The following ROCK2 variants were observed in gnomAD, a reference collection of about 807,000 sequenced individuals.
ROCK2 encodes the protein Rho associated coiled-coil containing protein kinase 2.
In ROCK2, 61 loss-of-function variants were observed where a neutral mutation model predicts 195.1. The observed-to-expected ratio is 0.31, with a 90% CI of 0.25 to 0.39. The LOEUF (loss-of-function observed/expected upper bound fraction) is 0.39, where lower values mean the gene tolerates loss of function less well. Ranked by LOEUF, ROCK2 falls within the 10% of genes least tolerant of loss-of-function variation. ROCK2 has a pLI of 1.00. For synonymous variants in ROCK2, 504 were observed against 545.5 expected, an observed-to-expected ratio of 0.92 and a Z score of 1.06; for missense variants, 1,109 against 1,637.4, an observed-to-expected ratio of 0.68 and a Z score of 5.57.
At chr2:11,308,484 C>T in intron 1 of ROCK2, 1 of 1,602,164 alleles carries the variant, frequency 6.2e-7, no homozygotes, top group African/African-American at 1.3e-5. Context: ...GTTCCCGGTA[C>T]TTTCTTACCA....
chr2:11,268,799 T>C (rs1000411988), intron 3 of ROCK2, among the ~76,000 whole-genome samples: 1 of 152,204 alleles, frequency 6.6e-6, no homozygotes, highest in Non-Finnish European at 1.5e-5. Flanking sequence ...TTTTGTTGAC[T>C]TTCTTGGATA....
intron 1 of ROCK2, among the ~76,000 whole-genome samples, chr2:11,322,040 G>A (rs954059376): frequency 6.6e-6 from 1 of 152,116 alleles, no homozygotes; most frequent in East Asian, 1.9e-4. Flanking sequence ...GGGTACACAA[G>A]CAAGAGGAAA....
In ROCK2 at chr2:11,188,649, G is replaced by A. The variant is rs181781608; in HGVS notation, c.4163+3499C>T. 1.6e-3 allele frequency among the ~76,000 whole-genome samples: 244 copies of A among 150,118 alleles called. 2 individuals carry two copies. The East Asian group carries it at 0.017, about 10-fold the overall frequency. On this transcript the variant is annotated intron_variant, in intron 32 of 32. Transcript: ENST00000315872. ...TTTTTTTATTTTTATTTTTTGAGACGGAGTCTCACTGTCGCCCAGGCTGGA... is the reference window on the plus strand; with the variant it reads ...TTTTTTTATTTTTATTTTTTGAGACAGAGTCTCACTGTCGCCCAGGCTGGA...
chr2:11,316,041 T>C (rs1303698220), intron 1 of ROCK2, among the ~76,000 whole-genome samples: 1 of 152,166 alleles, frequency 6.6e-6, no homozygotes, highest in African/African-American at 2.4e-5. Context: ...TAATGGCTAT[T>C]ATACTGGAAA....
At chr2:11,183,514 A>G in intron 32 of ROCK2, 74 bp from the exon 33 acceptor site, 1 of 1,129,002 alleles carries the variant, frequency 8.9e-7, no homozygotes. Context: ...TAGAAAAAGC[A>G]TTCCATTCAC....
intron 17 of ROCK2, among the ~76,000 whole-genome samples, chr2:11,214,126 C>T (rs1664341981): frequency 6.6e-6 from 1 of 152,140 alleles, no homozygotes; most frequent in African/African-American, 2.4e-5. Flanking sequence ...TATCTACACT[C>T]CAGGATGGGT....
intron 1 of ROCK2, among the ~76,000 whole-genome samples, chr2:11,328,605 C>T (rs1440549906): frequency 1.3e-5 from 2 of 152,136 alleles, no homozygotes; most frequent in African/African-American, 4.8e-5. Flanking sequence ...TTCCACTATA[C>T]TACTCTCTCT....
intron 1 of ROCK2, among the ~76,000 whole-genome samples, chr2:11,339,122 T>TA (rs997918415): frequency 1.4e-4 from 22 of 152,166 alleles, no homozygotes; most frequent in Non-Finnish European, 2.9e-4. Context: ...ATTTAATCTT[T>TA]AAAAAATCTA....
intron 1 of ROCK2, among the ~76,000 whole-genome samples, chr2:11,320,601 A>G (rs899798494): frequency 6.6e-6 from 1 of 152,238 alleles, no homozygotes; most frequent in East Asian, 1.9e-4. Context: ...ATGGGTTTAC[A>G]TTTAATGCTT....
At chr2:11,227,942 C>T (rs1183369899) in intron 5 of ROCK2, among the ~76,000 whole-genome samples, 1 of 152,176 alleles carries the variant, frequency 6.6e-6, no homozygotes, top group South Asian at 2.1e-4. Flanking sequence ...GAAAGCTATA[C>T]TTCCAAGCTA....
rs1212835916 is a variant in ROCK2 at position 11,181,862 on chromosome 2, AC to A, written c.*1574del. On this transcript the variant is annotated 3_prime_UTR_variant, in exon 33 of 33. Coordinates refer to ENST00000315872, the MANE Select transcript of ROCK2 (RefSeq NM_004850.5). ...TGGGCAGGCTGGTCTTGAACTCCTC[AC>A]CTCAGGTGATCCGCCCGTCTTGGCC... 1 of 151,896 alleles carries A rather than the reference AC, an allele frequency of 6.6e-6. No homozygotes were observed. The highest frequency in any genetic ancestry group is 1.5e-5 in the Non-Finnish European group (1 of 67,970). 9.4% of individuals were successfully genotyped at this position (151,896 alleles called of 1,614,324 possible).
chr2:11,302,732 CTG>C (rs1349489185), intron 1 of ROCK2, among the ~76,000 whole-genome samples: 1 of 152,034 alleles, frequency 6.6e-6, no homozygotes, highest in African/African-American at 2.4e-5. Context: ...TATGAAATAA[CTG>C]TTTTAATAAC....
At position 11,224,233 on chromosome 2, in the gene ROCK2, G is replaced by A. The variant is rs1664735708; in HGVS notation, c.1007+89C>T. On this transcript the variant is annotated intron_variant, in intron 7 of 32. Transcript: ENST00000315872. ...CTACTTGGGTAATGAGAGGCAGACT[G>A]ATTTCATATGTTAATAAGCTAGGCA... is the stretch of plus-strand genomic sequence containing the variant. The A allele has an allele frequency of 4.8e-6, 6 of 1,257,764 alleles. No individual in the cohort carries two copies. The Middle Eastern group carries it at 7.3e-4, about 153-fold the overall frequency. 77.9% of individuals were successfully genotyped at this position (1,257,764 alleles called of 1,614,324 possible).
rs114579236 is a variant in ROCK2, at chr2:11,305,351, G to A, written c.142-17615C>T. Among the ~76,000 whole-genome samples the A allele has an allele frequency of 7.6e-3, 1,150 of 152,070 alleles. 8 individuals are homozygous for A. Among genetic ancestry groups the A allele is most frequent in the Non-Finnish European group, 0.011 (723 of 67,988 alleles). ...AGATCATGCCACTACACTCCAGCCC[G>A]GACAACAGAGCGAGACTCCGTCTCA... is the stretch of plus-strand genomic sequence containing the variant. On this transcript the variant is annotated intron_variant, in intron 1 of 32. Transcript: ENST00000315872.
intron 11 of ROCK2, 92 bp downstream of exon 11, chr2:11,218,363 C>A: frequency 1.1e-6 from 1 of 923,196 alleles, no homozygotes; most frequent in Non-Finnish European, 1.6e-6. Context: ...ATGTAGTACT[C>A]CAAATGCTAG....
chr2:11,303,144 T>C (rs1667757640), intron 1 of ROCK2, among the ~76,000 whole-genome samples: 1 of 152,242 alleles, frequency 6.6e-6, no homozygotes, highest in Admixed American at 6.5e-5. Flanking sequence ...TCTTCAAAGA[T>C]TAGTTCAGAT....
At chr2:11,319,484 C>T (rs1301521064) in intron 1 of ROCK2, among the ~76,000 whole-genome samples, 1 of 149,560 alleles carries the variant, frequency 6.7e-6, no homozygotes, top group Non-Finnish European at 1.5e-5. Flanking sequence ...TGCTTATCAG[C>T]TTAAGGAGAT....
intron 1 of ROCK2, among the ~76,000 whole-genome samples, chr2:11,318,015 T>C (rs1215390169): frequency 6.6e-6 from 1 of 152,274 alleles, no homozygotes; most frequent in South Asian, 2.1e-4. Flanking sequence ...TCTATCATTG[T>C]TGGACATTTG....
intron 1 of ROCK2, among the ~76,000 whole-genome samples, chr2:11,321,709 G>A (rs576178060): frequency 2.0e-5 from 3 of 152,124 alleles, no homozygotes; most frequent in Admixed American, 2.0e-4. Flanking sequence ...GATCAAAGGA[G>A]GAAGGATCAC....
Sources: allele counts gnomAD v4.1 joint callset (sites outside exome capture counted in the v4.1 genomes callset), GRCh38; gene constraint gnomAD v4.1.1; transcripts MANE v1.5; gene names NCBI Gene and HGNC (gene_info 2026-07-23, HGNC 2026-07-21).